The following CCDC6 variants were observed in gnomAD, a reference collection of about 807,000 sequenced individuals.
The protein encoded by CCDC6 is coiled-coil domain-containing protein 6.
Under a neutral mutation model 56.6 loss-of-function variants are expected in CCDC6, and 20 were observed. That is an observed-to-expected ratio of 0.35 (90% CI 0.25 to 0.51). The LOEUF (loss-of-function observed/expected upper bound fraction) is 0.51. Ranked by LOEUF, CCDC6 falls within the 20% of genes least tolerant of loss-of-function variation. CCDC6 has a pLI of 0.95. For synonymous variants in CCDC6, 241 were observed against 234.4 expected (o/e 1.03, Z -0.26); for missense variants, 367 against 601.1 (o/e 0.61, Z 4.07).
At position 59,904,887 on chromosome 10, in the gene CCDC6, CA is replaced by C. The variant is rs112505376; in HGVS notation, c.303+1234del. On this transcript the variant is annotated intron_variant, in intron 1 of 8. Transcript: ENST00000263102. ...ACACACGCGTGCGCACACATATACA[CA>C]GCCTCCTCCACCGAAGGCATTTCCT... Among the ~76,000 whole-genome samples the C allele has an allele frequency of 1.4e-3, 213 of 152,262 alleles. 1 individual carries two copies. Among genetic ancestry groups the C allele is most frequent in the African/African-American group, 5.0e-3 (208 of 41,502 alleles).
intron 1 of CCDC6, among the ~76,000 whole-genome samples, chr10:59,872,789 G>C (rs546033611): frequency 6.2e-5 from 9 of 145,858 alleles, no homozygotes; most frequent in East Asian, 2.2e-4. Flanking sequence ...TGGGGGGGTG[G>C]GGGAAGGTAA....
rs574441510 is a variant in CCDC6 at position 59,875,903 on chromosome 10, C to A, written c.304-23201G>T. On this transcript the variant is annotated intron_variant, in intron 1 of 8. Coordinates refer to ENST00000263102, the MANE Select transcript of CCDC6 (RefSeq NM_005436.5). Reference sequence around the variant, plus strand: ...TCTGAATGTGTTTCATGATATTATGCAAAGGAAATTGCTATTTGGACATTA... The same window carrying A: ...TCTGAATGTGTTTCATGATATTATGAAAAGGAAATTGCTATTTGGACATTA... 8.9e-4 allele frequency among the ~76,000 whole-genome samples: 135 copies of A among 152,106 alleles called. 1 individual carries two copies. Among genetic ancestry groups the A allele is most frequent in the Admixed American group, 8.6e-3 (131 of 15,280 alleles).
At chr10:59,840,994 T>C (rs1175219988) in intron 2 of CCDC6, among the ~76,000 whole-genome samples, 2 of 152,208 alleles carry the variant, frequency 1.3e-5, no homozygotes, top group East Asian at 1.9e-4. Flanking sequence ...TTAAGAGCTA[T>C]GTAGGATCAT....
rs544912216 is a variant in CCDC6 at position 59,891,936 on chromosome 10, C to T, written c.303+14186G>A. On this transcript the variant is annotated intron_variant, in intron 1 of 8. Transcript: ENST00000263102. ...CTCAGGCTAGAAAGCAACCCAGAGG[C>T]AACAAAGAAAAGAGGTCACTTGAGG... Among the ~76,000 whole-genome samples, 130 of 152,272 alleles carry T rather than the reference C, an allele frequency of 8.5e-4. 7 individuals are homozygous for T. Among genetic ancestry groups the T allele is most frequent in the Non-Finnish European group, 7.5e-4 (51 of 68,020 alleles).
Position 59,884,678 on chromosome 10 carries a change from T to C in CCDC6, c.303+21444A>G, listed in dbSNP as rs143487917. Among the ~76,000 whole-genome samples, 434 of 152,150 alleles carry C rather than the reference T, an allele frequency of 2.9e-3. 1 individual carries two copies. Among genetic ancestry groups the C allele is most frequent in the African/African-American group, 8.8e-3 (365 of 41,534 alleles). On this transcript the variant is annotated intron_variant, in intron 1 of 8. Transcript: ENST00000263102. ...AAAAAAATCAAGATATAGAACAGCA[T>C]GTACAATGTGCTCCCATCGCTGGGT...
In CCDC6 at chr10:59,885,922, GCCCCC is replaced by G. The variant is rs746911710; in HGVS notation, c.303+20195_303+20199del. On this transcript the variant is annotated intron_variant, in intron 1 of 8. Transcript: ENST00000263102. ...ATGTCTATTTCCAACCCCGCCCCCC[GCCCCC>G]CCAACTAGAATATCAGCTGCCAGAG... Among the ~76,000 whole-genome samples the G allele has an allele frequency of 2.6e-3, 51 of 19,816 alleles. 1 individual carries two copies. In the East Asian group the frequency reaches 0.18, roughly 70 times the overall value. 13.0% of individuals were successfully genotyped at this position (19,816 alleles called of 152,430 possible).
At chr10:59,828,094 G>A (rs141402714) in intron 3 of CCDC6, among the ~76,000 whole-genome samples, 14 of 152,166 alleles carry the variant, frequency 9.2e-5, no homozygotes, top group African/African-American at 3.1e-4. Flanking sequence ...TTCCCTAAGT[G>A]GCAGAACATA....
Position 59,880,982 on chromosome 10 carries a change from A to G in CCDC6, c.303+25140T>C, listed in dbSNP as rs143522041. ...CATGATCAGAGATGACTACCTTTCT[A>G]TAATCTGGCAGAGCAGAGCGTTGTC... On this transcript the variant is annotated intron_variant, in intron 1 of 8. Transcript: ENST00000263102. Among the ~76,000 whole-genome samples, 9 of 152,278 alleles carry G rather than the reference A, an allele frequency of 5.9e-5. No individual in the cohort carries two copies. The East Asian group carries it at 1.7e-3, about 29-fold the overall frequency.
chr10:59,899,171 C>T (rs1436054707), intron 1 of CCDC6, among the ~76,000 whole-genome samples: 1 of 152,134 alleles, frequency 6.6e-6, no homozygotes, highest in Non-Finnish European at 1.5e-5. Context: ...AAATATTTTC[C>T]AGAGGATTAG....
In CCDC6 at chr10:59,791,399, G is replaced by A. The variant is rs987320247; in HGVS notation, c.*1518C>T. 7 of 194,800 alleles carry A rather than the reference G, an allele frequency of 3.6e-5. No individual in the cohort carries two copies. Among genetic ancestry groups the A allele is most frequent in the East Asian group, 1.6e-4 (2 of 12,318 alleles). 12.1% of individuals were successfully genotyped at this position (194,800 alleles called of 1,614,324 possible). A position where few individuals can be genotyped will look rare whatever the true frequency, so the allele number is the denominator to read the frequency against. ...TCTGTTAACTCTTAAATATGCATTCGAAGGCAAAAATGGAGGTTTCTATAC... is the reference window on the plus strand; with the variant it reads ...TCTGTTAACTCTTAAATATGCATTCAAAGGCAAAAATGGAGGTTTCTATAC... On this transcript the variant is annotated 3_prime_UTR_variant, in exon 9 of 9. Coordinates refer to ENST00000263102, the MANE Select transcript of CCDC6 (RefSeq NM_005436.5).
intron 1 of CCDC6, among the ~76,000 whole-genome samples, chr10:59,884,951 C>A (rs536633333): frequency 6.6e-6 from 1 of 152,196 alleles, no homozygotes; most frequent in South Asian, 2.1e-4. Context: ...GTAGTCCCAG[C>A]TGCTTGGGAG....
At position 59,792,675 on chromosome 10, in the gene CCDC6, G is replaced by T. The variant is rs1454556998; in HGVS notation, c.*242C>A. On this transcript the variant is annotated 3_prime_UTR_variant, in exon 9 of 9. Transcript: ENST00000263102. ...ACCAAACAGCGAAGGTTCCAGCCAG[G>T]GAATGGACGTACATGAAGATTCAAG... 1.3e-6 allele frequency: 1 copy of T among 747,186 alleles called. No homozygotes were observed. The highest frequency in any genetic ancestry group is 2.5e-6 in the Non-Finnish European group (1 of 407,046). 46.3% of individuals were successfully genotyped at this position (747,186 alleles called of 1,614,324 possible).
chr10:59,900,236 T>TAGGTGCATACCCCAGTAGC (rs2071495489), intron 1 of CCDC6, among the ~76,000 whole-genome samples: 3 of 151,894 alleles, frequency 2.0e-5, no homozygotes, highest in Non-Finnish European at 2.9e-5. Flanking sequence ...ACCACGGAAG[T>TAGGTGCATACCCCAGTAGC]AGGTGCATAC....
At chr10:59,794,401 C>T in intron 8 of CCDC6, 72 bp downstream of exon 8, 1 of 1,512,274 alleles carries the variant, frequency 6.6e-7, no homozygotes, top group African/African-American at 1.4e-5. Flanking sequence ...GGGCACCGAT[C>T]CTGTTCTCCA....
At chr10:59,889,827 C>T (rs533085523) in intron 1 of CCDC6, among the ~76,000 whole-genome samples, 1 of 152,220 alleles carries the variant, frequency 6.6e-6, no homozygotes, top group Admixed American at 6.5e-5. Context: ...TCTGATGGCA[C>T]TACCTCCTCC....
intron 2 of CCDC6, among the ~76,000 whole-genome samples, chr10:59,842,142 A>C (rs992854563): frequency 2.7e-5 from 4 of 149,180 alleles, no homozygotes; most frequent in Admixed American, 2.7e-4. Context: ...TCCTGGTTCA[A>C]CTGATTCTCC....
chr10:59,825,822 T>C (rs967983754), intron 3 of CCDC6, among the ~76,000 whole-genome samples: 3 of 152,234 alleles, frequency 2.0e-5, no homozygotes, highest in Non-Finnish European at 2.9e-5. Context: ...GAACTGGAAA[T>C]GTGAAAATTT....
chr10:59,837,871 A>G (rs2070898455), intron 2 of CCDC6, among the ~76,000 whole-genome samples: 1 of 152,040 alleles, frequency 6.6e-6, no homozygotes, highest in Non-Finnish European at 1.5e-5. Flanking sequence ...TTTATTGAAA[A>G]TTACCAAGGA....
chr10:59,889,548 T>C (rs1216395502), intron 1 of CCDC6, among the ~76,000 whole-genome samples: 2 of 152,204 alleles, frequency 1.3e-5, no homozygotes, highest in Non-Finnish European at 2.9e-5. Flanking sequence ...TATTCATTCA[T>C]TTCTTCCTGG....
Sources: gnomAD v4.1 joint callset for allele counts (sites outside exome capture counted in the v4.1 genomes callset) on GRCh38, gnomAD v4.1.1 for gene constraint, MANE v1.5 for transcripts, NCBI Gene and HGNC (gene_info 2026-07-23, HGNC 2026-07-21) for gene names.